RIN2: variants seen among roughly 807,000 people sequenced by gnomAD.
RIN2 encodes Ras and Rab interactor 2.
Under a neutral mutation model 78.0 loss-of-function variants are expected in RIN2, and 36 were observed. That is an observed-to-expected ratio of 0.46 (90% CI 0.35 to 0.61). The LOEUF is 0.61. Among genes scored for constraint, RIN2 ranks in the 20% least tolerant of loss-of-function variants. RIN2 has a pLI of 0.00. For synonymous variants in RIN2, 466 were observed against 466.8 expected (o/e 1.00, Z 0.02); for missense variants, 1,087 against 1,159.7 (o/e 0.94, Z 0.91).
At chr20:19,782,100 C>T (rs960098055) in intron 1 of RIN2, among the ~76,000 whole-genome samples, 3 of 152,046 alleles carry the variant, frequency 2.0e-5, no homozygotes, top group South Asian at 4.2e-4. Context: ...TCCACAGGCC[C>T]GTATCAGACA....
chr20:19,766,518 G>A (rs2033891710), intron 1 of RIN2, among the ~76,000 whole-genome samples: 1 of 152,078 alleles, frequency 6.6e-6, no homozygotes, highest in African/African-American at 2.4e-5. Flanking sequence ...ATCCTTTCCT[G>A]GGCATCAGAA....
At chr20:19,844,434 A>G (rs534940405) in intron 2 of RIN2, among the ~76,000 whole-genome samples, 6 of 152,288 alleles carry the variant, frequency 3.9e-5, no homozygotes, top group East Asian at 1.9e-4. Context: ...ACATTAGCCT[A>G]TTGTAACTCA....
At chr20:19,764,918 G>GTTTTTTTTTT (rs10605325) in intron 1 of RIN2, among the ~76,000 whole-genome samples, 7,890 of 50,300 alleles carry the variant, frequency 0.16, 2,609 homozygotes, top group Non-Finnish European at 0.22. Flanking sequence ...CACTTTCTGC[G>GTTTTTTTTTT]TTTTTTTTTT....
chr20:19,891,268 C>T (rs2038446483), intron 3 of RIN2, among the ~76,000 whole-genome samples: 1 of 152,158 alleles, frequency 6.6e-6, no homozygotes, highest in Non-Finnish European at 1.5e-5. Context: ...GTAAGGAGCT[C>T]CTCAAGTCCT....
intron 1 of RIN2, among the ~76,000 whole-genome samples, chr20:19,799,228 C>A (rs538431533): frequency 6.6e-6 from 1 of 152,062 alleles, no homozygotes; most frequent in Admixed American, 6.5e-5. Flanking sequence ...TCTGATTAGT[C>A]CCATCTCCAG....
intron 1 of RIN2, among the ~76,000 whole-genome samples, chr20:19,798,109 C>T (rs1248972964): frequency 6.6e-6 from 1 of 152,080 alleles, no homozygotes; most frequent in Non-Finnish European, 1.5e-5. Context: ...CCTTGGCCTC[C>T]CGAAGTGCTG....
At chr20:19,949,968 C>G (rs1310057675) in intron 4 of RIN2, among the ~76,000 whole-genome samples, 23 of 152,180 alleles carry the variant, frequency 1.5e-4, no homozygotes. Context: ...CACTTACTCT[C>G]CCACCTGCTC....
At chr20:19,931,203 AC>A (rs1417378879) in intron 3 of RIN2, among the ~76,000 whole-genome samples, 2 of 152,224 alleles carry the variant, frequency 1.3e-5, no homozygotes, top group Non-Finnish European at 2.9e-5. Flanking sequence ...ATAACCCCAT[AC>A]ATATTAGGAT....
chr20:19,808,780 G>T (rs916070864), intron 2 of RIN2, among the ~76,000 whole-genome samples: 2 of 152,238 alleles, frequency 1.3e-5, no homozygotes, highest in Non-Finnish European at 2.9e-5. Flanking sequence ...GGGTGGCATT[G>T]CTAGTGATGT....
At chr20:19,936,990 C>T (rs943407856) in intron 4 of RIN2, among the ~76,000 whole-genome samples, 42 of 152,188 alleles carry the variant, frequency 2.8e-4, no homozygotes, top group Non-Finnish European at 3.2e-4. Context: ...TCGCTTATAG[C>T]GACTAACTTA....
At chr20:19,781,671 A>T (rs1019421604) in intron 1 of RIN2, among the ~76,000 whole-genome samples, 13 of 152,108 alleles carry the variant, frequency 8.5e-5, no homozygotes, top group African/African-American at 3.1e-4. Flanking sequence ...CAAGTGATCC[A>T]CCTGCCTTGG....
intron 12 of RIN2, among the ~76,000 whole-genome samples, 166 bp from the exon 13 acceptor site, chr20:20,000,447 G>A (rs1434035587): frequency 6.6e-6 from 1 of 152,192 alleles, no homozygotes; most frequent in Non-Finnish European, 1.5e-5. Flanking sequence ...TCCAAAGTCA[G>A]ATCAGCCTCT....
intron 2 of RIN2, chr20:19,886,612 CTTTTTT>C (rs11362637): frequency 6.7e-4 from 348 of 519,894 alleles, no homozygotes; most frequent in Middle Eastern, 7.8e-4. Flanking sequence ...TCTTCTTCTT[CTTTTTT>C]TTTTTTTTTT....
intron 2 of RIN2, among the ~76,000 whole-genome samples, chr20:19,860,708 A>G (rs1446668866): frequency 6.6e-6 from 1 of 152,174 alleles, no homozygotes; most frequent in Non-Finnish European, 1.5e-5. Context: ...CTCCCCATGG[A>G]GTCTGGATGG....
At chr20:19,957,897 G>A (rs1323579860) in intron 5 of RIN2, among the ~76,000 whole-genome samples, 4 of 152,284 alleles carry the variant, frequency 2.6e-5, no homozygotes, top group East Asian at 3.9e-4. Flanking sequence ...AAGTTATAGT[G>A]GACGGCATTT....
At chr20:19,974,156 C>T (rs1047490400) in intron 8 of RIN2, among the ~76,000 whole-genome samples, 2 of 152,154 alleles carry the variant, frequency 1.3e-5, no homozygotes, top group East Asian at 1.9e-4. Flanking sequence ...GTAACATCCC[C>T]CAGGCCCAGC....
At chr20:19,866,985 C>T (rs547569167) in intron 2 of RIN2, among the ~76,000 whole-genome samples, 1 of 141,192 alleles carries the variant, frequency 7.1e-6, no homozygotes, top group African/African-American at 2.8e-5. Flanking sequence ...GTTAAACCAT[C>T]ACTAAGAATC....
intron 4 of RIN2, among the ~76,000 whole-genome samples, chr20:19,937,635 T>C (rs1380562382): frequency 6.6e-6 from 1 of 152,260 alleles, no homozygotes; most frequent in East Asian, 1.9e-4. Context: ...TCTTGTGCCA[T>C]GGACTCCTTC....
chr20:19,840,455 G>A lies in RIN2; in HGVS notation c.-37+40708G>A, dbSNP rs117084475. Among the ~76,000 whole-genome samples, 836 of 152,328 alleles carry A rather than the reference G, an allele frequency of 5.5e-3. 6 individuals are homozygous for A. Among genetic ancestry groups the A allele is most frequent in the South Asian group, 0.027 (128 of 4,828 alleles). On this transcript the variant is annotated intron_variant, in intron 2 of 12. Coordinates refer to ENST00000255006, the MANE Select transcript of RIN2 (RefSeq NM_018993.4). Reference sequence around the variant, plus strand: ...AGTTAAAAGAAAGAGTTGTTCTTATGTTCTTTTTTAAAGCGCAAACACACA... The same window carrying A: ...AGTTAAAAGAAAGAGTTGTTCTTATATTCTTTTTTAAAGCGCAAACACACA...
Sources: allele counts gnomAD v4.1 joint callset (sites outside exome capture counted in the v4.1 genomes callset), GRCh38; gene constraint gnomAD v4.1.1; transcripts MANE v1.5; gene names NCBI Gene and HGNC (gene_info 2026-07-23, HGNC 2026-07-21).